HTD2: variants seen among roughly 807,000 people sequenced by gnomAD.
HTD2 encodes the protein hydroxyacyl-thioester dehydratase type 2, mitochondrial.
In HTD2, 1 loss-of-function variant was observed where a neutral mutation model predicts 3.1. That is an observed-to-expected ratio of 0.32 (90% CI 0.11 to 1.52). The LOEUF is 1.52. HTD2 is among the 40% of genes most tolerant of loss of function. The pLI, the probability that HTD2 is intolerant of heterozygous loss-of-function variation, is 0.39. For synonymous variants in HTD2, 50 were observed against 28.9 expected (o/e 1.73, Z -2.34); for missense variants, 150 against 79.6 (o/e 1.88, Z -3.36).
chr3:58,315,127 CAATG>C (rs1245111188), intron 2 of HTD2, among the ~76,000 whole-genome samples: 3 of 152,034 alleles, frequency 2.0e-5, no homozygotes, highest in East Asian at 3.9e-4. Context: ...TTTTTAATAA[CAATG>C]AAACTGAAAA....
intron 4 of HTD2, 132 bp from the exon 5 acceptor site, chr3:58,317,308 T>C: frequency 1.6e-6 from 1 of 642,254 alleles, no homozygotes; most frequent in Non-Finnish European, 2.8e-6. Flanking sequence ...ATCGAAGGCT[T>C]CCTCTCAGGA....
At chr3:58,306,322 C>G (rs566088797), upstream of HTD2, 1 of 152,406 alleles carries the variant, frequency 6.6e-6, no homozygotes, top group Non-Finnish European at 1.5e-5. Context: ...TTTCTCGGGC[C>G]CAGCTGTGGC....
chr3:58,312,057 G>A (rs2097482816), intron 2 of HTD2, among the ~76,000 whole-genome samples: 1 of 151,214 alleles, frequency 6.6e-6, no homozygotes, highest in African/African-American at 2.4e-5. Flanking sequence ...TAGAGGCAAG[G>A]TCTCACTATG....
In HTD2 at chr3:58,306,581, GAACGTGGCC is replaced by G. The variant is rs2097475042; in HGVS notation, c.-485_-477del. 6.6e-6 allele frequency: 1 copy of G among 152,074 alleles called. No homozygotes were observed. The highest frequency in any genetic ancestry group is 2.4e-5 in the African/African-American group (1 of 41,332). 9.4% of individuals were successfully genotyped at this position (152,074 alleles called of 1,614,324 possible). ...GGCGCCGCGTAGGGTCTCGGCCGCA[GAACGTGGCC>G]GAGAGGCCCGGGCGAGACTTCGGGA... On this transcript the variant is annotated 5_prime_UTR_variant, in exon 1 of 5. Transcript: ENST00000461393.
At chr3:58,310,855 G>A (rs886374778) in intron 2 of HTD2, among the ~76,000 whole-genome samples, 24 of 151,236 alleles carry the variant, frequency 1.6e-4, no homozygotes, top group South Asian at 4.2e-4. Flanking sequence ...GCTTGAACCC[G>A]GGAGGCAGAG....
chr3:58,312,103 C>G (rs2097482882), intron 2 of HTD2, among the ~76,000 whole-genome samples: 1 of 152,096 alleles, frequency 6.6e-6, no homozygotes, highest in Non-Finnish European at 1.5e-5. Context: ...ATCCTCCTGC[C>G]TTGGCCTCCC....
chr3:58,307,109 C>G (rs1367020091), intron 1 of HTD2, among the ~76,000 whole-genome samples: 1 of 152,084 alleles, frequency 6.6e-6, no homozygotes, highest in East Asian at 1.9e-4. Context: ...GGGAGCGAGA[C>G]TGGCGCGTGA....
rs866592809 is a variant in HTD2 at position 58,319,792 on chromosome 3, C to G, written c.*1672C>G. ...CCAACACAGCCAACACTTTTGTTTC[C>G]CATTTTTTTTTGTTTCCCGTTTTTT... On this transcript the variant is annotated 3_prime_UTR_variant, in exon 5 of 5. Transcript: ENST00000461393. The G allele has an allele frequency of 6.6e-6, 1 of 152,008 alleles. No homozygotes were observed. The highest frequency in any genetic ancestry group is 1.5e-5 in the Non-Finnish European group (1 of 68,004). 9.4% of individuals were successfully genotyped at this position (152,008 alleles called of 1,614,324 possible).
chr3:58,318,425 C>CAA lies in HTD2; in HGVS notation c.*305_*306insAA. The CAA allele has an allele frequency of 5.6e-6, 1 of 177,790 alleles. No homozygotes were observed. The highest frequency in any genetic ancestry group is 1.1e-5 in the Non-Finnish European group (1 of 89,112). The allele number at this position is 177,790 out of a possible 1,614,324, so 11.0% of individuals were successfully genotyped here. A position where few individuals can be genotyped will look rare whatever the true frequency, so the allele number is the denominator to read the frequency against. ...GTAATCCTGGCACTTTGGGAGGCTGCGGCAGGCGGATCACTTGAGGTCAGG... is the reference window on the plus strand; with the variant it reads ...GTAATCCTGGCACTTTGGGAGGCTGCAAGGCAGGCGGATCACTTGAGGTCAGG... On this transcript the variant is annotated 3_prime_UTR_variant, in exon 5 of 5. Coordinates refer to ENST00000461393, the MANE Select transcript of HTD2 (RefSeq NM_001348712.2).
In HTD2 at chr3:58,306,534, C is replaced by T. The variant is rs1403130926; in HGVS notation, c.-533C>T. 2 of 152,268 alleles carry T rather than the reference C, an allele frequency of 1.3e-5. No homozygotes were observed. The highest frequency in any genetic ancestry group is 1.9e-4 in the East Asian group (1 of 5,162). The allele number at this position is 152,268 out of a possible 1,614,324, so 9.4% of individuals were successfully genotyped here. A position where few individuals can be genotyped will look rare whatever the true frequency, so the allele number is the denominator to read the frequency against. ...TTGGGTAGCTTGTCCTCTCCGACCC[C>T]GGGCGCTGAGGGCCTCTGTACGGCG... On this transcript the variant is annotated 5_prime_UTR_variant, in exon 1 of 5. Transcript: ENST00000461393.
chr3:58,314,675 A>ATTTTTTTTTTTTTTTTTTT (rs751757663), intron 2 of HTD2, among the ~76,000 whole-genome samples: 23 of 90,562 alleles, frequency 2.5e-4, no homozygotes, highest in Non-Finnish European at 3.1e-4. Context: ...GTTTGGCAGT[A>ATTTTTTTTTTTTTTTTTTT]TTTTTTTTTT....
At chr3:58,309,243 T>C (rs62259330) in intron 1 of HTD2, among the ~76,000 whole-genome samples, 34,630 of 152,158 alleles carry the variant, frequency 0.23, 5,857 homozygotes, top group East Asian at 0.81. Context: ...TTCTTTTTCT[T>C]TGGATAAAGA....
intron 2 of HTD2, among the ~76,000 whole-genome samples, chr3:58,312,146 A>G (rs1379958357): frequency 6.6e-6 from 1 of 152,144 alleles, no homozygotes; most frequent in African/African-American, 2.4e-5. Context: ...GAGCCACTGC[A>G]CCTGACCTAT....
intron 1 of HTD2, chr3:58,308,000 C>CATCT (rs2097477519): frequency 6.6e-6 from 1 of 151,990 alleles, no homozygotes; most frequent in African/African-American, 2.4e-5. Flanking sequence ...GTTTTACTGG[C>CATCT]ATCTAAGCCC....
intron 1 of HTD2, chr3:58,310,207 A>AAAAC (rs144199276): frequency 5.9e-6 from 5 of 846,786 alleles, no homozygotes; most frequent in East Asian, 2.6e-5. Flanking sequence ...ACCCTGCCTT[A>AAAAC]AAACAAACAA....
At chr3:58,311,293 T>G (rs1160093923) in intron 2 of HTD2, among the ~76,000 whole-genome samples, 1 of 152,138 alleles carries the variant, frequency 6.6e-6, no homozygotes, top group Non-Finnish European at 1.5e-5. Context: ...TAGCTGAGAT[T>G]ACAGGCACAC....
At position 58,319,753 on chromosome 3, in the gene HTD2, A is replaced by G. The variant is rs180681573; in HGVS notation, c.*1633A>G. 1 of 152,170 alleles carries G rather than the reference A, an allele frequency of 6.6e-6. No individual in the cohort carries two copies. The highest frequency in any genetic ancestry group is 2.4e-5 in the African/African-American group (1 of 41,516). The allele number at this position is 152,170 out of a possible 1,614,324, so 9.4% of individuals were successfully genotyped here. On this transcript the variant is annotated 3_prime_UTR_variant, in exon 5 of 5. Transcript: ENST00000461393. ...GGGGAGATGTGCCTAACATGTTACT[A>G]CTAAATGGCCATCCCAACACAGCCA...
chr3:58,308,964 A>C (rs1440560591), intron 1 of HTD2, among the ~76,000 whole-genome samples: 1 of 152,352 alleles, frequency 6.6e-6, no homozygotes, highest in African/African-American at 2.4e-5. Flanking sequence ...AGAGATGAGC[A>C]TGTTCTACGT....
At position 58,318,345 on chromosome 3, in the gene HTD2, G is replaced by C; in HGVS notation, c.*225G>C. On this transcript the variant is annotated 3_prime_UTR_variant, in exon 5 of 5. Transcript: ENST00000461393. ...ATTTCATTATCTGCCTGGGTTTTTT[G>C]TTTGTTTTTTGTTTTTTAATTCAAG... 1 of 420,002 alleles carries C rather than the reference G, an allele frequency of 2.4e-6. No individual in the cohort carries two copies. The allele number at this position is 420,002 out of a possible 1,614,324, so 26.0% of individuals were successfully genotyped here. A position where few individuals can be genotyped will look rare whatever the true frequency, so the allele number is the denominator to read the frequency against.
Sources: allele counts gnomAD v4.1 joint callset (sites outside exome capture counted in the v4.1 genomes callset), GRCh38; gene constraint gnomAD v4.1.1; transcripts MANE v1.5; gene names NCBI Gene and HGNC (gene_info 2026-07-23, HGNC 2026-07-21).